The following CRADD variants were observed in gnomAD, a reference collection of about 807,000 sequenced individuals.
CRADD encodes the protein CARD and death domain containing adaptor protein.
CRADD carries 9 observed loss-of-function variants against 15.5 expected under a neutral mutation model. The ratio of observed to expected loss-of-function variants is 0.58; its 90% confidence interval spans 0.35 to 1.01. CRADD has a LOEUF of 1.01. Ranked by LOEUF, CRADD falls within the 50% of genes least tolerant of loss-of-function variation. The pLI is 0.02. For synonymous variants in CRADD, 118 were observed against 107.6 expected, an observed-to-expected ratio of 1.10 and a Z score of -0.60; for missense variants, 227 against 250.3, an observed-to-expected ratio of 0.91 and a Z score of 0.63.
chr12:93,722,757 A>G lies in CRADD; in HGVS notation c.298+43685A>G, dbSNP rs540133575. ...GACTATCTATTAGAGCCCTTAACAA[A>G]TTAACCATAGTTGTTTTAAATTCCC... On this transcript the variant is annotated intron_variant, in intron 2 of 2. Transcript: ENST00000332896. 4.6e-5 allele frequency among the ~76,000 whole-genome samples: 7 copies of G among 152,320 alleles called. No homozygotes were observed. In the South Asian group the frequency reaches 1.4e-3, roughly 32 times the overall value.
At chr12:93,752,403 T>A (rs779698770) in intron 2 of CRADD, among the ~76,000 whole-genome samples, 5 of 152,198 alleles carry the variant, frequency 3.3e-5, no homozygotes, top group Non-Finnish European at 7.3e-5. Flanking sequence ...AATATGTTGT[T>A]TTGTCAACTA....
rs552748406 is a variant in CRADD at position 93,778,984 on chromosome 12, T to C, written c.299-70986T>C. ...TGATTTAACTTCAAAACACAGCCTG[T>C]TCTCTTGTCAGTGGAGCCAAAGCGT... On this transcript the variant is annotated intron_variant, in intron 2 of 2. Coordinates refer to ENST00000332896, the MANE Select transcript of CRADD (RefSeq NM_003805.5). 1.3e-4 allele frequency among the ~76,000 whole-genome samples: 20 copies of C among 152,326 alleles called. 1 individual carries two copies. Among genetic ancestry groups the C allele is most frequent in the Middle Eastern group, 3.4e-3 (1 of 294 alleles).
intron 2 of CRADD, among the ~76,000 whole-genome samples, chr12:93,691,534 A>G (rs1376807652): frequency 1.3e-5 from 2 of 152,176 alleles, no homozygotes; most frequent in Non-Finnish European, 2.9e-5. Flanking sequence ...GATTACAGGC[A>G]TGAGCCACCG....
At chr12:93,735,631 T>C (rs979198544) in intron 2 of CRADD, 3 of 152,156 alleles carry the variant, frequency 2.0e-5, no homozygotes, top group African/African-American at 4.8e-5. Flanking sequence ...TCGAGTACAG[T>C]AGTTCAAGCC....
chr12:93,842,439 AG>A (rs993719190), intron 2 of CRADD, among the ~76,000 whole-genome samples: 1 of 152,010 alleles, frequency 6.6e-6, no homozygotes, highest in African/African-American at 2.4e-5. Flanking sequence ...CTTGACTTGG[AG>A]GGCTTTTTTG....
intron 2 of CRADD, among the ~76,000 whole-genome samples, chr12:93,697,049 A>T (rs554227997): frequency 6.6e-6 from 1 of 152,298 alleles, no homozygotes; most frequent in South Asian, 2.1e-4. Context: ...CACCTGAGTA[A>T]ATCTGACATG....
chr12:93,876,511 C>G (rs563494340), intron 2 of CRADD, among the ~76,000 whole-genome samples: 7 of 152,070 alleles, frequency 4.6e-5, no homozygotes, highest in African/African-American at 1.7e-4. Context: ...CATTGTTATT[C>G]ATTTTTCTTT....
At chr12:93,830,228 T>C (rs2137028848) in intron 2 of CRADD, among the ~76,000 whole-genome samples, 2 of 152,274 alleles carry the variant, frequency 1.3e-5, no homozygotes, top group South Asian at 2.1e-4. Context: ...AGAGGATGGC[T>C]GATTTACGCT....
In CRADD at chr12:93,765,006, AT is replaced by A. The variant is rs34982552; in HGVS notation, c.299-84952del. Among the ~76,000 whole-genome samples the A allele has an allele frequency of 7.1e-3, 1,052 of 147,816 alleles. 8 individuals carry two copies. The highest frequency in any genetic ancestry group is 0.022 in the African/African-American group (891 of 40,604). On this transcript the variant is annotated intron_variant, in intron 2 of 2. Coordinates refer to ENST00000332896, the MANE Select transcript of CRADD (RefSeq NM_003805.5). ...AATTTCTCCAATTCAGAAACTCTGA[AT>A]TTTTTTTTTTTCTTATTAGGAAAGT...
chr12:93,856,590 C>A (rs564730017), intron 2 of CRADD, among the ~76,000 whole-genome samples: 1 of 152,300 alleles, frequency 6.6e-6, no homozygotes, highest in East Asian at 1.9e-4. Context: ...GCAGCAGAAT[C>A]CCATTTAATT....
intron 2 of CRADD, among the ~76,000 whole-genome samples, chr12:93,888,647 G>C (rs1958555282): frequency 6.6e-6 from 1 of 152,100 alleles, no homozygotes. Flanking sequence ...GGTGGGGTGT[G>C]GGATGGGGAG....
chr12:93,839,975 T>C (rs1172750290), intron 2 of CRADD, among the ~76,000 whole-genome samples: 1 of 152,240 alleles, frequency 6.6e-6, no homozygotes, highest in Non-Finnish European at 1.5e-5. Flanking sequence ...AAGATACTCC[T>C]GCCTTATTTT....
At chr12:93,769,643 T>C (rs1351926637) in intron 2 of CRADD, among the ~76,000 whole-genome samples, 1 of 152,228 alleles carries the variant, frequency 6.6e-6, no homozygotes, top group Non-Finnish European at 1.5e-5. Flanking sequence ...TTCCTTATCT[T>C]TGGCAACACT....
intron 2 of CRADD, among the ~76,000 whole-genome samples, chr12:93,750,387 G>A (rs947495967): frequency 6.6e-6 from 1 of 152,172 alleles, no homozygotes; most frequent in African/African-American, 2.4e-5. Flanking sequence ...ATTCTGTAGA[G>A]GATGTGACTT....
intron 2 of CRADD, among the ~76,000 whole-genome samples, chr12:93,681,179 C>T (rs1020795948): frequency 9.2e-5 from 14 of 152,146 alleles, no homozygotes; most frequent in Non-Finnish European, 1.6e-4. Flanking sequence ...CCACCATGCT[C>T]GGCCATAACC....
chr12:93,743,145 C>G (rs1272442846), intron 2 of CRADD, among the ~76,000 whole-genome samples: 1 of 152,116 alleles, frequency 6.6e-6, no homozygotes, highest in Non-Finnish European at 1.5e-5. Flanking sequence ...AGTAACTTAA[C>G]TAGTACTCCG....
chr12:93,784,968 T>C (rs574636715), intron 2 of CRADD, among the ~76,000 whole-genome samples: 1 of 152,308 alleles, frequency 6.6e-6, no homozygotes, highest in South Asian at 2.1e-4. Context: ...CCAAAACCTC[T>C]TCAGGCACAA....
intron 2 of CRADD, among the ~76,000 whole-genome samples, chr12:93,694,499 G>A (rs546825721): frequency 6.6e-6 from 1 of 152,128 alleles, no homozygotes; most frequent in African/African-American, 2.4e-5. Flanking sequence ...AGAAATAAAA[G>A]GTATCTAGAT....
intron 2 of CRADD, among the ~76,000 whole-genome samples, chr12:93,764,661 ATGG>A (rs1216696035): frequency 6.6e-6 from 1 of 151,680 alleles, no homozygotes. Flanking sequence ...TAGGGAAGAG[ATGG>A]TGGTATCCTT....
Sources: allele counts gnomAD v4.1 joint callset (sites outside exome capture counted in the v4.1 genomes callset), GRCh38; gene constraint gnomAD v4.1.1; transcripts MANE v1.5; gene names NCBI Gene and HGNC (gene_info 2026-07-23, HGNC 2026-07-21).